SV2B: variants seen among roughly 807,000 people sequenced by gnomAD.
SV2B encodes the protein synaptic vesicle glycoprotein 2B.
A neutral mutation model predicts 73.9 loss-of-function variants in SV2B; 41 were observed. The observed-to-expected ratio is 0.56, with a 90% CI of 0.43 to 0.72. SV2B has a LOEUF of 0.72. Ranked by LOEUF, SV2B falls within the 30% of genes least tolerant of loss-of-function variation. SV2B has a pLI of 0.00. For synonymous variants in SV2B, 314 were observed against 314.2 expected (o/e 1.00, Z 0.01); for missense variants, 764 against 857.8 (o/e 0.89, Z 1.37).
chr15:91,282,320 AT>A (rs1332886088), intron 10 of SV2B, among the ~76,000 whole-genome samples: 1 of 152,236 alleles, frequency 6.6e-6, no homozygotes, highest in Non-Finnish European at 1.5e-5. Context: ...ATCTGTTCAC[AT>A]TTTTTGCATA....
chr15:91,207,338 T>C (rs759014097), intron 1 of SV2B, among the ~76,000 whole-genome samples: 13 of 152,052 alleles, frequency 8.5e-5, no homozygotes, highest in African/African-American at 1.5e-4. Flanking sequence ...ACAATGTTTT[T>C]TTTCTGTCGG....
chr15:91,174,209 A>T (rs943540603), intron 1 of SV2B, among the ~76,000 whole-genome samples: 5 of 152,220 alleles, frequency 3.3e-5, no homozygotes, highest in African/African-American at 1.2e-4. Context: ...TGAAAAATAG[A>T]AGGTTCTCTG....
At chr15:91,175,267 T>A (rs944577842) in intron 1 of SV2B, among the ~76,000 whole-genome samples, 5 of 152,138 alleles carry the variant, frequency 3.3e-5, no homozygotes, top group African/African-American at 1.2e-4. Context: ...TTTCTTTTTT[T>A]TTTTTGAGAT....
At chr15:91,125,161 T>C (rs1316426067) in intron 1 of SV2B, among the ~76,000 whole-genome samples, 1 of 152,118 alleles carries the variant, frequency 6.6e-6, no homozygotes, top group African/African-American at 2.4e-5. Flanking sequence ...TCAGATTGGA[T>C]TAGGATCTAC....
At chr15:91,178,125 C>A (rs1169950214) in intron 1 of SV2B, among the ~76,000 whole-genome samples, 1 of 151,156 alleles carries the variant, frequency 6.6e-6, no homozygotes, top group Non-Finnish European at 1.5e-5. Context: ...TTGTCAAAGG[C>A]CTTTTCTGCA....
chr15:91,269,372 C>G (rs76142247), intron 9 of SV2B, among the ~76,000 whole-genome samples: 1,864 of 152,314 alleles, frequency 0.012, 50 homozygotes, highest in African/African-American at 0.042. Flanking sequence ...CCTTCCTGAA[C>G]TGTACTTAGC....
rs141709689 is a variant in SV2B at position 91,258,071 on chromosome 15, T to C, written c.785-350T>C. Among the ~76,000 whole-genome samples the C allele has an allele frequency of 1.1e-3, 170 of 152,354 alleles. No individual in the cohort carries two copies. The highest frequency in any genetic ancestry group is 3.9e-3 in the African/African-American group (162 of 41,572). The stretch of plus-strand genomic sequence containing the variant: ...CTGCCATCTTAAAATATAATGATTC[T>C]GTAGAGATACGGGCTATTGTTTCTG... On this transcript the variant is annotated intron_variant, in intron 4 of 12. Transcript: ENST00000394232. The surrounding 1 kb of genome is among the most constrained non-coding windows in gnomAD (Gnocchi z 4.7).
intron 1 of SV2B, among the ~76,000 whole-genome samples, chr15:91,177,504 T>C (rs2044361364): frequency 6.6e-6 from 1 of 150,828 alleles, no homozygotes; most frequent in South Asian, 2.1e-4. Flanking sequence ...TTTCACGATA[T>C]TGGTTCTTCC....
At chr15:91,237,132 G>C (rs1238288872) in intron 2 of SV2B, among the ~76,000 whole-genome samples, 2 of 152,296 alleles carry the variant, frequency 1.3e-5, no homozygotes, top group African/African-American at 4.8e-5. Flanking sequence ...GAAATGACAA[G>C]GTTCTGGAGA....
rs1555470664 is a variant in SV2B, at chr15:91,137,594, T to TATATATATTTTTC, written c.-392+37239_-392+37240insTTTTCATATATAT. Among the ~76,000 whole-genome samples the TATATATATTTTTC allele has an allele frequency of 6.6e-5, 5 of 75,238 alleles. No individual in the cohort carries two copies. In the East Asian group the frequency reaches 5.2e-3, roughly 78 times the overall value. The allele number at this position is 75,238 out of a possible 152,430, so 49.4% of individuals were successfully genotyped here. On this transcript the variant is annotated intron_variant, in intron 1 of 12. Coordinates refer to ENST00000394232, the MANE Select transcript of SV2B (RefSeq NM_001323032.3). This position sits in a 1 kb window ranked among gnomAD's most constrained non-coding sequence, Gnocchi z 4.9. ...AATATATATATATATATTTCTCATA[T>TATATATATTTTTC]ATATATATATTTCATATATATATTT...
chr15:91,099,910 A>G (rs2041674004), upstream of SV2B: 1 of 152,294 alleles, frequency 6.6e-6, no homozygotes, highest in African/African-American at 2.4e-5. Flanking sequence ...GACGACGCCC[A>G]TGATCAGCTG....
chr15:91,208,535 G>C (rs750211792), intron 1 of SV2B, among the ~76,000 whole-genome samples: 5 of 152,164 alleles, frequency 3.3e-5, no homozygotes, highest in Non-Finnish European at 7.3e-5. Context: ...CAGCTCTGGG[G>C]GTGGACCCTG....
At chr15:91,100,183 G>T (rs570587125), upstream of SV2B, 56 of 152,098 alleles carry the variant, frequency 3.7e-4, 2 homozygotes, top group South Asian at 0.011. The surrounding 1 kb of genome is among the most constrained non-coding windows in gnomAD (Gnocchi z 6.4). Context: ...CGCGCTGCGC[G>T]CTGCGCCTGG....
At chr15:91,117,567 A>G (rs539011616) in intron 1 of SV2B, among the ~76,000 whole-genome samples, 19 of 152,344 alleles carry the variant, frequency 1.2e-4, no homozygotes, top group African/African-American at 4.6e-4. Context: ...ACCAGATGCT[A>G]CCAGCAGCTA....
chr15:91,150,936 C>T (rs573916665), intron 1 of SV2B, among the ~76,000 whole-genome samples: 2 of 152,310 alleles, frequency 1.3e-5, no homozygotes, highest in South Asian at 2.1e-4. Flanking sequence ...CTAGACTTTC[C>T]TCCCCTTGCC....
At position 91,197,554 on chromosome 15, in the gene SV2B, C is replaced by A. The variant is rs60886065; in HGVS notation, c.-391-28319C>A. Among the ~76,000 whole-genome samples, 4,799 of 148,166 alleles carry A rather than the reference C, an allele frequency of 0.032. 238 individuals are homozygous for A. The highest frequency in any genetic ancestry group is 0.11 in the African/African-American group (4,415 of 38,554). Reference sequence around the variant, plus strand: ...TGTTTTTAATAGAAGAAAAAAAAAACCAAACCAAACCAAACAAAACAAAAC... The same window carrying A: ...TGTTTTTAATAGAAGAAAAAAAAAAACAAACCAAACCAAACAAAACAAAAC... On this transcript the variant is annotated intron_variant, in intron 1 of 12. Coordinates refer to ENST00000394232, the MANE Select transcript of SV2B (RefSeq NM_001323032.3). This position sits in a 1 kb window ranked among gnomAD's most constrained non-coding sequence, Gnocchi z 4.9.
chr15:91,168,332 A>AGAGAGAGAGAGAGAGAGAGAGAGAGAG lies in SV2B; in HGVS notation c.-391-57541_-391-57540insGAGAGAGAGAGAGAGAGAGAGAGAGAG, dbSNP rs1567308862. Among the ~76,000 whole-genome samples, 178 of 78,374 alleles carry AGAGAGAGAGAGAGAGAGAGAGAGAGAG rather than the reference A, an allele frequency of 2.3e-3. 2 individuals carry two copies. Among genetic ancestry groups the AGAGAGAGAGAGAGAGAGAGAGAGAGAG allele is most frequent in the African/African-American group, 7.2e-3 (168 of 23,420 alleles). The allele number at this position is 78,374 out of a possible 152,430, so 51.4% of individuals were successfully genotyped here. On this transcript the variant is annotated intron_variant, in intron 1 of 12. Transcript: ENST00000394232. ...AGAGAGAGAGAGAGAGAGAGAGAGA[A>AGAGAGAGAGAGAGAGAGAGAGAGAGAG]AAGAAATTTCTCACACACTCTTCAG...
intron 1 of SV2B, among the ~76,000 whole-genome samples, chr15:91,159,990 A>G (rs944293283): frequency 3.6e-4 from 55 of 152,176 alleles, no homozygotes; most frequent in African/African-American, 1.3e-3. Flanking sequence ...ACTACAAATT[A>G]CCAAGGGATA....
At position 91,242,519 on chromosome 15, in the gene SV2B, C is replaced by G. The variant is rs2047059388; in HGVS notation, c.452-9300C>G. 6.6e-6 allele frequency among the ~76,000 whole-genome samples: 1 copy of G among 152,110 alleles called. No individual in the cohort carries two copies. Among genetic ancestry groups the G allele is most frequent in the Non-Finnish European group, 1.5e-5 (1 of 68,026 alleles). On this transcript the variant is annotated intron_variant, in intron 2 of 12. Coordinates refer to ENST00000394232, the MANE Select transcript of SV2B (RefSeq NM_001323032.3). The surrounding 1 kb of genome is among the most constrained non-coding windows in gnomAD (Gnocchi z 4.9). ...GGAGAGGCTATTGAGGATGGATGGT[C>G]AGGGAAGGCCTCTTTGAGATTTCGC...
Sources: allele counts gnomAD v4.1 joint callset (sites outside exome capture counted in the v4.1 genomes callset), GRCh38; gene constraint gnomAD v4.1.1; non-coding constraint Gnocchi (gnomAD v3.1); transcripts MANE v1.5; gene names NCBI Gene and HGNC (gene_info 2026-07-23, HGNC 2026-07-21).